The following SEMA6A variants were observed in gnomAD, a reference collection of about 807,000 sequenced individuals.
SEMA6A encodes semaphorin-6A.
SEMA6A carries 25 observed loss-of-function variants against 96.8 expected under a neutral mutation model. The ratio of observed to expected loss-of-function variants is 0.26; its 90% CI spans 0.19 to 0.36. The LOEUF (loss-of-function observed/expected upper bound fraction) is 0.36. Among genes scored for constraint, SEMA6A ranks in the 10% least tolerant of loss-of-function variants. The pLI, the probability that SEMA6A is intolerant of heterozygous loss-of-function variation, is 1.00. For synonymous variants in SEMA6A, 612 were observed against 518.0 expected (o/e 1.18, Z -2.46); for missense variants, 1,363 against 1,323.1 (o/e 1.03, Z -0.47).
intron 11 of SEMA6A, among the ~76,000 whole-genome samples, chr5:116,481,638 AAGAC>A (rs1398828185): frequency 1.3e-5 from 2 of 152,172 alleles, no homozygotes; most frequent in Non-Finnish European, 2.9e-5. Context: ...ACTCCTGGGG[AAGAC>A]AGACACCATG....
At chr5:116,491,383 C>G (rs1757315753) in intron 7 of SEMA6A, among the ~76,000 whole-genome samples, 1 of 151,670 alleles carries the variant, frequency 6.6e-6, no homozygotes, top group African/African-American at 2.4e-5. Flanking sequence ...TCCATCCTAC[C>G]TTAAACAATA....
At chr5:116,472,887 T>C (rs996892557) in intron 17 of SEMA6A, 186 bp downstream of exon 17, 3 of 1,497,148 alleles carry the variant, frequency 2.0e-6, no homozygotes, top group African/African-American at 2.8e-5. Flanking sequence ...AAACTGACCA[T>C]ACACTGTGTT....
intron 18 of SEMA6A, among the ~76,000 whole-genome samples, chr5:116,455,242 C>T (rs983571201): frequency 1.3e-5 from 2 of 152,170 alleles, no homozygotes; most frequent in Non-Finnish European, 2.9e-5. Context: ...GGGAGTGCTA[C>T]AGCCAGAGCA....
chr5:116,486,500 A>G (rs945153742), intron 10 of SEMA6A: 37 of 418,884 alleles, frequency 8.8e-5, no homozygotes, highest in Non-Finnish European at 1.4e-4. Context: ...AAAAGTGTTT[A>G]TATACCAGGC....
At chr5:116,451,852 TAAG>T (rs957505414) in intron 18 of SEMA6A, among the ~76,000 whole-genome samples, 1 of 150,736 alleles carries the variant, frequency 6.6e-6, no homozygotes, top group Non-Finnish European at 1.5e-5. Flanking sequence ...CTCAAAACAA[TAAG>T]AAGAGAAACT....
chr5:116,520,973 C>G (rs1181655889), intron 1 of SEMA6A, among the ~76,000 whole-genome samples: 1 of 152,150 alleles, frequency 6.6e-6, no homozygotes, highest in Non-Finnish European at 1.5e-5. Context: ...TAATAATGTC[C>G]CTGGAATCAA....
At chr5:116,548,516 T>C (rs1760276503) in intron 1 of SEMA6A, among the ~76,000 whole-genome samples, 1 of 152,186 alleles carries the variant, frequency 6.6e-6, no homozygotes, top group South Asian at 2.1e-4. Context: ...TTTTCTCAAC[T>C]TATGGTGTAT....
chr5:116,512,824 C>T (rs1224751800), intron 1 of SEMA6A, among the ~76,000 whole-genome samples: 4 of 152,118 alleles, frequency 2.6e-5, no homozygotes, highest in Non-Finnish European at 2.9e-5. Flanking sequence ...GCTATAGTCA[C>T]GACCTTAGTA....
chr5:116,571,049 G>T (rs911964828), intron 1 of SEMA6A, among the ~76,000 whole-genome samples: 3 of 152,114 alleles, frequency 2.0e-5, no homozygotes, highest in African/African-American at 4.8e-5. Context: ...GGTGTGTGTT[G>T]TGTGTAAATA....
At chr5:116,573,063 G>T (rs1051261646) in intron 1 of SEMA6A, among the ~76,000 whole-genome samples, 8 of 151,420 alleles carry the variant, frequency 5.3e-5, no homozygotes, top group Admixed American at 5.3e-4. Context: ...GGAGACCTCA[G>T]GATCCTGTTT....
intron 1 of SEMA6A, among the ~76,000 whole-genome samples, chr5:116,515,918 GA>G (rs1758646980): frequency 6.6e-6 from 1 of 152,170 alleles, no homozygotes; most frequent in Non-Finnish European, 1.5e-5. Flanking sequence ...CATCAGTCAC[GA>G]ATGATTTAAA....
rs370291118 is a variant in SEMA6A, at chr5:116,546,895, T to G, written c.-39+27290A>C. Among the ~76,000 whole-genome samples the G allele has an allele frequency of 5.7e-4, 87 of 152,372 alleles. 1 individual carries two copies. The highest frequency in any genetic ancestry group is 2.0e-3 in the African/African-American group (83 of 41,584). ...CCTTTTTATTGCTCATTATCGCTAG[T>G]CTGAGCAAACACAGGCTTCAGCCTG... On this transcript the variant is annotated intron_variant, in intron 1 of 18. Transcript: ENST00000343348.
chr5:116,451,006 A>C (rs563192140), intron 18 of SEMA6A, among the ~76,000 whole-genome samples: 12 of 152,340 alleles, frequency 7.9e-5, no homozygotes, highest in Non-Finnish European at 1.8e-4. Context: ...TGGAAACAGC[A>C]GACTTGTCAG....
In SEMA6A at chr5:116,522,573, A is replaced by C. The variant is rs6863351; in HGVS notation, c.-38-17591T>G. Among the ~76,000 whole-genome samples, 579 of 152,356 alleles carry C rather than the reference A, an allele frequency of 3.8e-3. 8 individuals are homozygous for C. Among genetic ancestry groups the C allele is most frequent in the African/African-American group, 0.013 (550 of 41,572 alleles). On this transcript the variant is annotated intron_variant, in intron 1 of 18. Transcript: ENST00000343348. The stretch of plus-strand genomic sequence containing the variant: ...CGCCTGCGTGCCATATGAATGGCTA[A>C]TTTATTAGCTTTCAAATAAAAATGT...
intron 18 of SEMA6A, among the ~76,000 whole-genome samples, chr5:116,452,497 T>C (rs1279977586): frequency 6.6e-6 from 1 of 151,960 alleles, no homozygotes; most frequent in Non-Finnish European, 1.5e-5. Flanking sequence ...TGAAGTTCTT[T>C]AGAGTCCAAA....
At chr5:116,471,973 CTG>C (rs1756173221) in intron 17 of SEMA6A, among the ~76,000 whole-genome samples, 1 of 152,030 alleles carries the variant, frequency 6.6e-6, no homozygotes, top group South Asian at 2.1e-4. Context: ...TACTTAAAGA[CTG>C]TCCTGGATCT....
At chr5:116,562,773 A>G (rs955388530) in intron 1 of SEMA6A, 1 of 732,804 alleles carries the variant, frequency 1.4e-6, no homozygotes, top group East Asian at 2.7e-5. Flanking sequence ...TCTTTGCCAT[A>G]TGCTGCTATG....
At chr5:116,460,161 A>AAAAC (rs1755292204) in intron 18 of SEMA6A, among the ~76,000 whole-genome samples, 2 of 152,208 alleles carry the variant, frequency 1.3e-5, no homozygotes, top group South Asian at 4.1e-4. Flanking sequence ...GAGGTTAAGT[A>AAAAC]AAACATAAAA....
At chr5:116,448,778 A>AAAAAC (rs1355198127) in intron 18 of SEMA6A, among the ~76,000 whole-genome samples, 1 of 146,148 alleles carries the variant, frequency 6.8e-6, no homozygotes, top group Admixed American at 6.8e-5. Flanking sequence ...AAAAAAAAAC[A>AAAAAC]GTGCAAACTC....
Sources: gnomAD v4.1 joint callset for allele counts (sites outside exome capture counted in the v4.1 genomes callset) on GRCh38, gnomAD v4.1.1 for gene constraint, MANE v1.5 for transcripts, NCBI Gene and HGNC (gene_info 2026-07-23, HGNC 2026-07-21) for gene names.